PARD3B: variants seen among roughly 807,000 people sequenced by gnomAD.
PARD3B encodes the protein partitioning defective 3 homolog B.
A neutral mutation model predicts 130.2 loss-of-function variants in PARD3B; 103 were observed. The ratio of observed to expected loss-of-function variants is 0.79; its 90% CI spans 0.67 to 0.93. The LOEUF is 0.93. Ranked by LOEUF, PARD3B falls within the 40% of genes least tolerant of loss-of-function variation. The pLI is 0.00. For synonymous variants in PARD3B, 583 were observed against 553.2 expected (o/e 1.05, Z -0.76); for missense variants, 1,609 against 1,499.2 (o/e 1.07, Z -1.21).
chr2:204,913,535 C>G (rs1230919867), intron 2 of PARD3B, among the ~76,000 whole-genome samples: 1 of 152,186 alleles, frequency 6.6e-6, no homozygotes, highest in Non-Finnish European at 1.5e-5. Context: ...CTGTGAAACA[C>G]TACATAGACT....
At chr2:204,909,570 G>C (rs1370099422) in intron 2 of PARD3B, among the ~76,000 whole-genome samples, 3 of 152,214 alleles carry the variant, frequency 2.0e-5, no homozygotes, top group South Asian at 2.1e-4. Flanking sequence ...CTACTTCTTA[G>C]CTCTGTGAAC....
chr2:205,336,235 G>C (rs1157951482), intron 18 of PARD3B, among the ~76,000 whole-genome samples: 1 of 152,184 alleles, frequency 6.6e-6, no homozygotes, highest in East Asian at 1.9e-4. Flanking sequence ...GAGAATATAT[G>C]TGATATCAGG....
At chr2:204,958,456 T>C (rs1690462265) in intron 2 of PARD3B, among the ~76,000 whole-genome samples, 1 of 152,202 alleles carries the variant, frequency 6.6e-6, no homozygotes, top group African/African-American at 2.4e-5. Context: ...CTAAGGGTTG[T>C]GTGTTCTTGT....
At chr2:205,422,619 A>C (rs1486611629) in intron 19 of PARD3B, among the ~76,000 whole-genome samples, 1 of 152,218 alleles carries the variant, frequency 6.6e-6, no homozygotes, top group Non-Finnish European at 1.5e-5. Context: ...TGCTAACCAC[A>C]ATAAAAAAAA....
intron 2 of PARD3B, among the ~76,000 whole-genome samples, chr2:204,754,468 C>G (rs893886937): frequency 1.3e-5 from 2 of 152,076 alleles, no homozygotes; most frequent in Non-Finnish European, 1.5e-5. Context: ...GCCTCAGTTC[C>G]TTCATGTAGA....
At chr2:205,178,918 G>A (rs550464657) in intron 13 of PARD3B, among the ~76,000 whole-genome samples, 2 of 152,030 alleles carry the variant, frequency 1.3e-5, no homozygotes, top group Non-Finnish European at 2.9e-5. Flanking sequence ...TTTAAAAAAG[G>A]TAACTGTAAA....
Position 205,295,818 on chromosome 2 carries a change from C to A in PARD3B, c.2186-4712C>A, listed in dbSNP as rs143563707. Among the ~76,000 whole-genome samples, 1,078 of 152,234 alleles carry A rather than the reference C, an allele frequency of 7.1e-3. 7 individuals are homozygous for A. The highest frequency in any genetic ancestry group is 6.9e-3 in the Non-Finnish European group (468 of 68,010). ...GGGCAACTAAGACTCCACTATTAAT[C>A]TATCTTATCACAATGGCCTCTATAT... On this transcript the variant is annotated intron_variant, in intron 16 of 22. Transcript: ENST00000406610.
At chr2:205,334,142 G>C (rs768221982) in intron 18 of PARD3B, among the ~76,000 whole-genome samples, 1 of 152,100 alleles carries the variant, frequency 6.6e-6, no homozygotes, top group Admixed American at 6.6e-5. Context: ...TTCTTTAACT[G>C]GTGGACTAAC....
intron 10 of PARD3B, among the ~76,000 whole-genome samples, chr2:205,137,257 A>G (rs950443804): frequency 1.3e-5 from 2 of 152,152 alleles, no homozygotes; most frequent in African/African-American, 2.4e-5. Context: ...ATGAGGTGGG[A>G]CTCTGGTCAG....
intron 21 of PARD3B, among the ~76,000 whole-genome samples, chr2:205,526,969 G>A (rs1406507222): frequency 6.6e-6 from 1 of 152,122 alleles, no homozygotes; most frequent in East Asian, 1.9e-4. Context: ...TCTATGTGGG[G>A]ACACAAGTGG....
At chr2:205,414,557 T>C (rs1451342702) in intron 19 of PARD3B, among the ~76,000 whole-genome samples, 1 of 152,136 alleles carries the variant, frequency 6.6e-6, no homozygotes, top group African/African-American at 2.4e-5. Context: ...TTGATTATAA[T>C]AGTATGTACC....
chr2:204,581,466 A>AT (rs1248163510), intron 1 of PARD3B, among the ~76,000 whole-genome samples: 1 of 149,746 alleles, frequency 6.7e-6, no homozygotes, highest in Non-Finnish European at 1.5e-5. Flanking sequence ...TTTTTTTTTT[A>AT]TTTTTTTAAA....
chr2:205,531,049 G>C (rs376828596), intron 21 of PARD3B, among the ~76,000 whole-genome samples: 1 of 152,190 alleles, frequency 6.6e-6, no homozygotes, highest in African/African-American at 2.4e-5. Flanking sequence ...AAACGTGATT[G>C]CTGTGGAAGA....
Position 204,545,896 on chromosome 2 carries a change from G to A in PARD3B, c.-104G>A, listed in dbSNP as rs1033273580. ...GGGTGTTCCGGGGAGCGGCGCCCCG[G>A]GTCTCTGGGCCCACCCGCCCCGGGC... On this transcript the variant is annotated 5_prime_UTR_variant, in exon 1 of 23. Coordinates refer to ENST00000406610, the MANE Select transcript of PARD3B (RefSeq NM_001302769.2). 2.8e-4 allele frequency: 368 copies of A among 1,296,164 alleles called. 1 individual carries two copies. The highest frequency in any genetic ancestry group is 3.4e-4 in the Non-Finnish European group (338 of 991,648). 80.3% of individuals were successfully genotyped at this position (1,296,164 alleles called of 1,614,324 possible). A position where few individuals can be genotyped will look rare whatever the true frequency, so the allele number is the denominator to read the frequency against.
At chr2:204,638,550 T>A (rs2034965865) in intron 1 of PARD3B, among the ~76,000 whole-genome samples, 1 of 152,192 alleles carries the variant, frequency 6.6e-6, no homozygotes, top group Admixed American at 6.5e-5. Context: ...TTCGGAATGG[T>A]ATTGCTTTCA....
intron 3 of PARD3B, among the ~76,000 whole-genome samples, chr2:204,981,726 T>A (rs1446291575): frequency 6.6e-6 from 1 of 152,136 alleles, no homozygotes; most frequent in Non-Finnish European, 1.5e-5. Flanking sequence ...ATATAGTATG[T>A]TAGAAACTGA....
At chr2:205,293,569 T>A (rs1320930546) in intron 16 of PARD3B, 2 of 152,010 alleles carry the variant, frequency 1.3e-5, no homozygotes, top group African/African-American at 2.4e-5. Flanking sequence ...ATTACAAAGA[T>A]AAGTTAAGCA....
At chr2:205,171,697 G>A (rs2035181687) in intron 11 of PARD3B, among the ~76,000 whole-genome samples, 1 of 152,152 alleles carries the variant, frequency 6.6e-6, no homozygotes, top group Admixed American at 6.5e-5. Context: ...ACAAAATTAT[G>A]TGGTTGTTTT....
intron 21 of PARD3B, among the ~76,000 whole-genome samples, chr2:205,539,114 T>C (rs970585451): frequency 6.6e-6 from 1 of 152,194 alleles, no homozygotes; most frequent in African/African-American, 2.4e-5. Flanking sequence ...AGACTCTTCA[T>C]GCAGTTTCCA....
Sources: gnomAD v4.1 joint callset for allele counts (sites outside exome capture counted in the v4.1 genomes callset) on GRCh38, gnomAD v4.1.1 for gene constraint, MANE v1.5 for transcripts, NCBI Gene and HGNC (gene_info 2026-07-23, HGNC 2026-07-21) for gene names.